The following CBL variants were observed in gnomAD, a reference collection of about 807,000 sequenced individuals.
CBL encodes the protein Cbl proto-oncogene.
Under a neutral mutation model 96.9 loss-of-function variants are expected in CBL, and 45 were observed. The observed-to-expected ratio is 0.46, with a 90% CI of 0.37 to 0.60. The LOEUF (loss-of-function observed/expected upper bound fraction) is 0.60, where lower values mean the gene tolerates loss of function less well. CBL is among the 20% of genes least tolerant of loss of function. The pLI, the probability that CBL is intolerant of heterozygous loss-of-function variation, is 0.00. For synonymous variants in CBL, 420 were observed against 426.8 expected (o/e 0.98, Z 0.20); for missense variants, 1,024 against 1,143.5 (o/e 0.90, Z 1.51).
intron 6 of CBL, 143 bp from the exon 7 acceptor site, chr11:119,277,612 ATT>A: frequency 8.7e-6 from 5 of 574,226 alleles, no homozygotes; most frequent in Admixed American, 3.0e-5. Flanking sequence ...TTTTGGAAGT[ATT>A]TTTTTTTTGA....
In CBL at chr11:119,287,934, C is replaced by T. The variant is rs553979171; in HGVS notation, c.2024C>T (p.Ser675Phe). The T allele has an allele frequency of 1.9e-6, 3 of 1,611,558 alleles. No homozygotes were observed. Among genetic ancestry groups the T allele is most frequent in the Non-Finnish European group, 2.5e-6 (3 of 1,177,736 alleles). ...KPSSSANAIY[S>F]LAARPLPVPK... ...TCCTCATCTGCCAATGCCATTTATT[C>T]TCTGGCTGCCAGGTAAGTCTGCTAA... Residue 675 changes from serine to phenylalanine, a missense_variant, in exon 12 of 16, where the codon TCT becomes TTT. Ser to Phe is a radical substitution (Grantham distance 155). Coordinates refer to ENST00000264033, the MANE Select transcript of CBL (RefSeq NM_005188.4).
In CBL at chr11:119,278,210, A is replaced by T. The variant is rs370331997; in HGVS notation, c.1140A>T (p.Leu380=). Residue 380 remains leucine, a synonymous_variant, in exon 8 of 16, where the codon CTA becomes CTT. Coordinates refer to ENST00000264033, the MANE Select transcript of CBL (RefSeq NM_005188.4). ...GTGAGATGGGCTCCACATTCCAACT[A>T]TGTAAAATATGTGCTGAAAATGATA... is the stretch of plus-strand genomic sequence containing the variant. ...LYCEMGSTFQ[L]CKICAENDKD... 1 of 1,611,182 alleles carries T rather than the reference A, an allele frequency of 6.2e-7. No homozygotes were observed. The highest frequency in any genetic ancestry group is 2.2e-5 in the East Asian group (1 of 44,860).
At chr11:119,228,609 A>T (rs1949477434) in intron 1 of CBL, among the ~76,000 whole-genome samples, 1 of 150,990 alleles carries the variant, frequency 6.6e-6, no homozygotes, top group Non-Finnish European at 1.5e-5. Context: ...TCCATCTCAA[A>T]AAAAAAAAAA....
At chr11:119,234,083 C>T (rs957723035) in intron 2 of CBL, among the ~76,000 whole-genome samples, 2 of 151,950 alleles carry the variant, frequency 1.3e-5, no homozygotes, top group Non-Finnish European at 1.5e-5. Context: ...CTTGGCTCAC[C>T]GCAACCTCCG....
At chr11:119,274,614 T>C (rs1949874307) in intron 4 of CBL, among the ~76,000 whole-genome samples, 1 of 152,228 alleles carries the variant, frequency 6.6e-6, no homozygotes, top group African/African-American at 2.4e-5. Context: ...AATTTTCATT[T>C]TGTGTCAAGT....
intron 2 of CBL, among the ~76,000 whole-genome samples, chr11:119,270,416 T>TATA (rs1949835147): frequency 1.3e-5 from 1 of 74,366 alleles, no homozygotes; most frequent in Admixed American, 1.7e-4. Flanking sequence ...CAGCTAATTT[T>TATA]TATATATATA....
Position 119,227,378 on chromosome 11 carries a change from A to G in CBL, c.196-5070A>G, listed in dbSNP as rs1225016203. The stretch of plus-strand genomic sequence containing the variant: ...TGGAATGTAACTCCATTGTAAATTG[A>G]GGAACATCTGTAGTTGTTCGCTCTT... On this transcript the variant is annotated intron_variant, in intron 1 of 15. Transcript: ENST00000264033. Among the ~76,000 whole-genome samples, 4 of 152,134 alleles carry G rather than the reference A, an allele frequency of 2.6e-5. 1 individual carries two copies. Among genetic ancestry groups the G allele is most frequent in the Admixed American group, 2.0e-4 (3 of 15,264 alleles).
rs1950091409 is a variant in CBL at position 119,300,078 on chromosome 11, T to C, written c.*297T>C. 2 of 559,002 alleles carry C rather than the reference T, an allele frequency of 3.6e-6. No individual in the cohort carries two copies. Among genetic ancestry groups the C allele is most frequent in the Admixed American group, 3.1e-5 (1 of 32,092 alleles). The allele number at this position is 559,002 out of a possible 1,614,324, so 34.6% of individuals were successfully genotyped here. A position where few individuals can be genotyped will look rare whatever the true frequency, so the allele number is the denominator to read the frequency against. ...ACCTGGGGAACAGTCCAGAAAGCTATAGAACAAGTATTTTGCTGGAAATCC... is the reference window on the plus strand; with the variant it reads ...ACCTGGGGAACAGTCCAGAAAGCTACAGAACAAGTATTTTGCTGGAAATCC... On this transcript the variant is annotated 3_prime_UTR_variant, in exon 16 of 16. Coordinates refer to ENST00000264033, the MANE Select transcript of CBL (RefSeq NM_005188.4).
intron 1 of CBL, among the ~76,000 whole-genome samples, chr11:119,210,097 A>C (rs1363151758): frequency 6.6e-6 from 1 of 152,158 alleles, no homozygotes; most frequent in Non-Finnish European, 1.5e-5. Context: ...ATTGGCCTTA[A>C]ATGTATGCTG....
Position 119,278,531 on chromosome 11 carries a change from C to T in CBL, c.1249C>T (p.Pro417Ser), listed in dbSNP as rs867564832. The change falls in exon 9 of 16, where the codon CCT becomes TCT. Residue 417 changes from proline (P) to serine (S), a missense_variant. Around this residue, in one of 4 missense-constraint regions of CBL, gnomAD observed 695 missense variants for 661.6 expected, o/e 1.05. Coordinates refer to ENST00000264033, the MANE Select transcript of CBL (RefSeq NM_005188.4). Reference protein sequence around the residue: ...SWQESEGQGCPFCRCEIKGTE... With the variant: ...SWQESEGQGCSFCRCEIKGTE... ...GCAGGAATCAGAAGGTCAGGGCTGT[C>T]CTTTCTGCCGATGTGAAATTAAAGG... The T allele has an allele frequency of 6.2e-7, 1 of 1,614,112 alleles. No individual in the cohort carries two copies. The highest frequency in any genetic ancestry group is 1.1e-5 in the South Asian group (1 of 91,086).
chr11:119,266,837 C>T (rs1038298065), intron 2 of CBL, among the ~76,000 whole-genome samples: 2 of 152,108 alleles, frequency 1.3e-5, no homozygotes, highest in Admixed American at 6.5e-5. Flanking sequence ...CAGTACTGCT[C>T]GCTGCTGCTG....
chr11:119,211,919 A>T (rs1055444275), intron 1 of CBL, among the ~76,000 whole-genome samples: 1 of 150,860 alleles, frequency 6.6e-6, no homozygotes, highest in African/African-American at 2.4e-5. Flanking sequence ...TTTTTATTTT[A>T]TTTTTTTTAT....
intron 6 of CBL, among the ~76,000 whole-genome samples, chr11:119,277,273 A>AC (rs1555229989): frequency 2.4e-4 from 36 of 151,990 alleles, no homozygotes; most frequent in African/African-American, 8.5e-4. Flanking sequence ...ACACACACAT[A>AC]AAGAATTTCT....
Position 119,307,228 on chromosome 11 carries a change from A to AG in CBL, c.*7449dup. The AG allele has an allele frequency of 4.3e-6, 1 of 232,112 alleles. No individual in the cohort carries two copies. The allele number at this position is 232,112 out of a possible 1,614,324, so 14.4% of individuals were successfully genotyped here. A position where few individuals can be genotyped will look rare whatever the true frequency, so the allele number is the denominator to read the frequency against. ...GGTTCCAATCACAAGCTTAGTTATC[A>AG]GGTTGCATGCCTTGTCTCCTGCAAA... On this transcript the variant is annotated 3_prime_UTR_variant, in exon 16 of 16. Transcript: ENST00000264033.
intron 2 of CBL, among the ~76,000 whole-genome samples, chr11:119,265,758 C>T (rs543605423): frequency 2.0e-4 from 31 of 152,186 alleles, no homozygotes; most frequent in African/African-American, 7.2e-4. Flanking sequence ...CGCAGTGGCT[C>T]ACGCCTGTAA....
intron 1 of CBL, among the ~76,000 whole-genome samples, chr11:119,221,748 C>CAG (rs974330543): frequency 1.4e-5 from 2 of 142,484 alleles, no homozygotes; most frequent in Non-Finnish European, 3.0e-5. Context: ...GCCTGGGCAA[C>CAG]AGAGAGAGAC....
chr11:119,244,427 T>TAA (rs1949609161), intron 2 of CBL, among the ~76,000 whole-genome samples: 1 of 151,864 alleles, frequency 6.6e-6, no homozygotes, highest in South Asian at 2.1e-4. Context: ...ATTAATTTTT[T>TAA]TTTTTTTTGA....
rs1949979265 is a variant in CBL, at chr11:119,285,631, C to T, written c.1941+65C>T. 9 of 1,562,192 alleles carry T rather than the reference C, an allele frequency of 5.8e-6. No homozygotes were observed. The East Asian group carries it at 9.1e-5, about 16-fold the overall frequency. Reference sequence around the variant, plus strand: ...TATGTGTGGGCCAGGCACAGTGGCTCATGTCTGTAATCCCAGCAATTTGGG... The same window carrying T: ...TATGTGTGGGCCAGGCACAGTGGCTTATGTCTGTAATCCCAGCAATTTGGG... On this transcript the variant is annotated intron_variant, in intron 11 of 15. Coordinates refer to ENST00000264033, the MANE Select transcript of CBL (RefSeq NM_005188.4).
intron 2 of CBL, among the ~76,000 whole-genome samples, chr11:119,254,896 C>T (rs1949698830): frequency 2.0e-5 from 3 of 152,302 alleles, no homozygotes; most frequent in Middle Eastern, 3.4e-3. Context: ...GCCACCACGT[C>T]TGGCTGCGAG....
Sources: allele counts gnomAD v4.1 joint callset (sites outside exome capture counted in the v4.1 genomes callset), GRCh38; gene constraint gnomAD v4.1.1; regional missense constraint gnomAD v4.1.1; transcripts MANE v1.5; gene names NCBI Gene and HGNC (gene_info 2026-07-23, HGNC 2026-07-21).